Variants in LMF1 observed in about 807,000 individuals in gnomAD.
LMF1 encodes the protein lipase maturation factor 1, also known as transmembrane protein 112.
A neutral mutation model predicts 60.6 loss-of-function variants in LMF1; 68 were observed. The ratio of observed to expected loss-of-function variants is 1.12; its 90% CI spans 0.92 to 1.37. The LOEUF (loss-of-function observed/expected upper bound fraction) is 1.37, where lower values mean the gene tolerates loss of function less well. Ranked by LOEUF, LMF1 falls within the 40% of genes most tolerant of loss-of-function variation. The pLI, the probability that LMF1 is intolerant of heterozygous loss-of-function variation, is 0.00. For synonymous variants in LMF1, 418 were observed against 324.7 expected (o/e 1.29, Z -3.09); for missense variants, 948 against 767.2 (o/e 1.24, Z -2.78).
At chr16:911,147 G>A (rs774529750) in intron 3 of LMF1, 68 bp from the exon 4 acceptor site, 12 of 1,539,034 alleles carry the variant, frequency 7.8e-6, no homozygotes, top group African/African-American at 2.7e-5. Flanking sequence ...AATCATTTCA[G>A]AAACTCAGTT....
intron 2 of LMF1, among the ~76,000 whole-genome samples, chr16:946,937 C>T (rs1474216635): frequency 6.6e-6 from 1 of 152,222 alleles, no homozygotes; most frequent in Non-Finnish European, 1.5e-5. Context: ...AGACGCTCAC[C>T]CACCTGCCAG....
chr16:950,406 G>A (rs1163263182), intron 2 of LMF1, among the ~76,000 whole-genome samples: 1 of 135,590 alleles, frequency 7.4e-6, no homozygotes, highest in Non-Finnish European at 1.5e-5. Flanking sequence ...CAGAGCCAAC[G>A]ACAGAGTCAG....
intron 1 of LMF1, chr16:979,312 TCCTC>T: frequency 2.8e-6 from 1 of 355,736 alleles, no homozygotes; most frequent in Non-Finnish European, 5.6e-6. Context: ...TGCATGGGGA[TCCTC>T]ACCCACATAC....
chr16:929,211 G>A (rs2071698775), intron 3 of LMF1, among the ~76,000 whole-genome samples: 1 of 152,208 alleles, frequency 6.6e-6, no homozygotes, highest in South Asian at 2.1e-4. Flanking sequence ...ACTGGGGACC[G>A]GCCCTGGTCT....
chr16:919,130 G>A (rs928139153), intron 3 of LMF1, among the ~76,000 whole-genome samples: 3 of 152,104 alleles, frequency 2.0e-5, no homozygotes, highest in African/African-American at 2.4e-5. Context: ...ACACAGTCTC[G>A]GGGGACAGTC....
At chr16:893,188 C>G in intron 4 of LMF1, 116 bp from the exon 5 acceptor site, 1 of 890,492 alleles carries the variant, frequency 1.1e-6, no homozygotes. Flanking sequence ...ATCTGGGCTG[C>G]AGGCGCTGTG....
At chr16:871,056 TCTC>T (rs1314480757) in intron 7 of LMF1, 102 bp downstream of exon 7, 75 of 1,411,056 alleles carry the variant, frequency 5.3e-5, no homozygotes, top group Non-Finnish European at 6.4e-5. Context: ...CGGCGCTGAC[TCTC>T]CTCCTACCCT....
intron 1 of LMF1, among the ~76,000 whole-genome samples, chr16:959,552 T>C (rs11248956): frequency 0.29 from 43,414 of 152,008 alleles, 7,059 homozygotes; most frequent in African/African-American, 0.45. Flanking sequence ...ACCAGGAGGT[T>C]GGGGGATGCA....
At position 893,107 on chromosome 16, in the gene LMF1, A is replaced by G. The variant is rs4984705; in HGVS notation, c.664-35T>C. 491,481 of 1,536,164 alleles carry G rather than the reference A, an allele frequency of 0.32. 83,586 individuals carry two copies. The highest frequency in any genetic ancestry group is 0.55 in the African/African-American group (39,784 of 72,764). On this transcript the variant is annotated intron_variant, in intron 4 of 10. Coordinates refer to ENST00000262301, the MANE Select transcript of LMF1 (RefSeq NM_022773.4). ...AGAGAGCAGAGGGAGAGTCAGTCACAGGGGCTGGGGATGCGGCGGCCCCGA... is the reference window on the plus strand; with the variant it reads ...AGAGAGCAGAGGGAGAGTCAGTCACGGGGGCTGGGGATGCGGCGGCCCCGA...
chr16:952,095 C>T (rs2072486597), intron 2 of LMF1, among the ~76,000 whole-genome samples: 1 of 152,206 alleles, frequency 6.6e-6, no homozygotes, highest in South Asian at 2.1e-4. Context: ...GGGGCGGAGC[C>T]ACGTTGTGGG....
intron 6 of LMF1, among the ~76,000 whole-genome samples, chr16:877,799 G>T (rs781057069): frequency 1.3e-5 from 2 of 152,124 alleles, no homozygotes; most frequent in Non-Finnish European, 2.9e-5. Context: ...CCCACAGGAC[G>T]CGTCTCTGAG....
At chr16:906,226 C>T (rs1281457839) in intron 4 of LMF1, among the ~76,000 whole-genome samples, 1 of 152,196 alleles carries the variant, frequency 6.6e-6, no homozygotes, top group Non-Finnish European at 1.5e-5. Flanking sequence ...GCGGATGCAG[C>T]TATCTGTCCT....
intron 2 of LMF1, among the ~76,000 whole-genome samples, chr16:953,988 CCCCAA>C: frequency 9.6e-6 from 1 of 103,726 alleles, no homozygotes; most frequent in African/African-American, 3.6e-5. Context: ...CACACAGACA[CCCCAA>C]ACCAGCCTCC....
chr16:874,592 G>C lies in LMF1; in HGVS notation c.898-3251C>G, dbSNP rs567109176. ...CCCCAGGGCCCCGCGGAACCCTCCG[G>C]AACAGCTGTGTAAACTGCGTGGGAG... On this transcript the variant is annotated intron_variant, in intron 6 of 10. Transcript: ENST00000262301. The surrounding 1 kb of genome is among the most constrained non-coding windows in gnomAD (Gnocchi z 4.1). Among the ~76,000 whole-genome samples the C allele has an allele frequency of 5.0e-3, 768 of 152,266 alleles. 7 individuals are homozygous for C. The highest frequency in any genetic ancestry group is 0.018 in the African/African-American group (736 of 41,538).
At chr16:918,335 C>T (rs1036941524) in intron 3 of LMF1, among the ~76,000 whole-genome samples, 2 of 152,210 alleles carry the variant, frequency 1.3e-5, no homozygotes, top group Middle Eastern at 3.2e-3. Context: ...TGTGGCTCAG[C>T]TCTGTGCAGG....
chr16:910,901 C>T (rs2071091532), intron 4 of LMF1, 30 bp downstream of exon 4: 2 of 1,610,914 alleles, frequency 1.2e-6, no homozygotes, highest in Non-Finnish European at 1.7e-6. Context: ...CCGTTATTCC[C>T]CAAACACCAC....
chr16:918,337 C>T (rs893479709), intron 3 of LMF1, among the ~76,000 whole-genome samples: 1 of 152,220 alleles, frequency 6.6e-6, no homozygotes, highest in East Asian at 1.9e-4. Context: ...TGGCTCAGCT[C>T]TGTGCAGGTG....
upstream of LMF1, chr16:971,098 C>T: frequency 5.6e-6 from 6 of 1,076,570 alleles, no homozygotes; most frequent in Non-Finnish European, 7.3e-6. Context: ...ACCCACACCC[C>T]GGGAGGCCCC....
chr16:945,578 A>AAAAATTTAG (rs1361928835), intron 2 of LMF1, among the ~76,000 whole-genome samples: 2 of 152,188 alleles, frequency 1.3e-5, no homozygotes, highest in African/African-American at 4.8e-5. Flanking sequence ...AAAAAATTTA[A>AAAAATTTAG]AAAAGAAAAA....
Sources: allele counts gnomAD v4.1 joint callset (sites outside exome capture counted in the v4.1 genomes callset), GRCh38; gene constraint gnomAD v4.1.1; non-coding constraint Gnocchi (gnomAD v3.1); transcripts MANE v1.5; gene names NCBI Gene and HGNC (gene_info 2026-07-23, HGNC 2026-07-21).